CEP70: variants seen among roughly 807,000 people sequenced by gnomAD.
The protein encoded by CEP70 is centrosomal protein of 70 kDa.
CEP70 carries 70 observed loss-of-function variants against 90.9 expected under a neutral mutation model. The observed-to-expected ratio is 0.77, with a 90% CI of 0.64 to 0.94. The LOEUF is 0.94. Ranked by LOEUF, CEP70 falls within the 40% of genes least tolerant of loss-of-function variation. The pLI is 0.00. For missense variants in CEP70, 648 were observed against 669.0 expected (o/e 0.97, Z 0.35); for synonymous variants, 220 against 228.3 (o/e 0.96, Z 0.33).
intron 11 of CEP70, among the ~76,000 whole-genome samples, chr3:138,521,695 G>A (rs970462960): frequency 5.5e-5 from 8 of 145,216 alleles, no homozygotes; most frequent in South Asian, 2.3e-4. Flanking sequence ...CGGCCGCCCC[G>A]TCTCGGGGGG....
At chr3:138,526,452 C>T (rs75114793) in intron 10 of CEP70, among the ~76,000 whole-genome samples, 1,571 of 152,244 alleles carry the variant, frequency 0.01, 27 homozygotes, top group African/African-American at 0.037. Context: ...TGAGCCACCA[C>T]GCCCAGCCAT....
chr3:138,511,286 C>G lies in CEP70; in HGVS notation c.945-2742G>C, dbSNP rs140420291. Among the ~76,000 whole-genome samples, 855 of 152,358 alleles carry G rather than the reference C, an allele frequency of 5.6e-3. 3 individuals are homozygous for G. Among genetic ancestry groups the G allele is most frequent in the South Asian group, 9.7e-3 (47 of 4,826 alleles). On this transcript the variant is annotated intron_variant, in intron 11 of 17. Coordinates refer to ENST00000264982, the MANE Select transcript of CEP70 (RefSeq NM_024491.4). ...ATATTCACTCAGTTGCTATTCTCTG[C>G]TTTCTAGTGAGTATATGCCCAAGCC...
chr3:138,553,416 C>T (rs897462548), intron 6 of CEP70, among the ~76,000 whole-genome samples: 2 of 151,564 alleles, frequency 1.3e-5, no homozygotes, highest in Admixed American at 6.6e-5. Flanking sequence ...GAAGGTGGAG[C>T]TTGCAGTGAG....
chr3:138,575,035 G>A (rs563979691), intron 2 of CEP70, among the ~76,000 whole-genome samples: 7 of 152,242 alleles, frequency 4.6e-5, no homozygotes, highest in South Asian at 4.1e-4. Flanking sequence ...AAATCAAAGC[G>A]CCTCTTCTCC....
chr3:138,588,016 A>C (rs112286279), intron 2 of CEP70, among the ~76,000 whole-genome samples: 50 of 152,242 alleles, frequency 3.3e-4, no homozygotes, highest in African/African-American at 1.2e-3. Flanking sequence ...TTTTTCAATA[A>C]ATGATGCTAG....
intron 10 of CEP70, among the ~76,000 whole-genome samples, chr3:138,527,349 T>C (rs1031246329): frequency 1.3e-5 from 2 of 150,874 alleles, no homozygotes; most frequent in African/African-American, 4.9e-5. Flanking sequence ...TTTTTTAATA[T>C]GGAACGCTTC....
At chr3:138,560,113 G>A (rs1040282102) in intron 6 of CEP70, among the ~76,000 whole-genome samples, 13 of 152,200 alleles carry the variant, frequency 8.5e-5, no homozygotes, top group Admixed American at 3.3e-4. Flanking sequence ...GCTCCCCAGC[G>A]AGATCGATGC....
chr3:138,500,486 C>T lies in CEP70; in HGVS notation c.1450G>A (p.Gly484Arg), dbSNP rs2108664605. The T allele has an allele frequency of 6.2e-7, 1 of 1,611,788 alleles. No homozygotes were observed. Residue 484 changes from glycine to arginine, a missense_variant, in exon 15 of 18, where the codon GGA (glycine) becomes AGA (arginine). Gly to Arg is a moderately radical substitution (Grantham distance 125, BLOSUM62 -2). Coordinates refer to ENST00000264982, the MANE Select transcript of CEP70 (RefSeq NM_024491.4). ...ACTTCATTCATTCGGGGATAGACTC[C>T]ATTTAAAGAAGGCACATCAAATAAC... The part of the protein sequence containing the change: ...QKLFDVPSLN[G>R]VYPRMNEVYT...
chr3:138,576,863 A>T (rs1343633101), intron 2 of CEP70, among the ~76,000 whole-genome samples: 2 of 152,250 alleles, frequency 1.3e-5, no homozygotes, highest in Non-Finnish European at 2.9e-5. Flanking sequence ...CTGTGTAAAT[A>T]ACAAAATGAA....
At chr3:138,527,658 G>A (rs574988429) in intron 10 of CEP70, among the ~76,000 whole-genome samples, 4 of 145,818 alleles carry the variant, frequency 2.7e-5, no homozygotes, top group Admixed American at 1.4e-4. Flanking sequence ...TCGTGCCACA[G>A]CACTCCAGCC....
At chr3:138,571,390 TTAGATA>T (rs1412534119) in intron 3 of CEP70, 34 bp from the exon 4 acceptor site, 2 of 1,390,698 alleles carry the variant, frequency 1.4e-6, no homozygotes, top group East Asian at 4.6e-5. Flanking sequence ...AGGGTTAACT[TTAGATA>T]TAAAGTGAAG....
At chr3:138,524,068 C>T (rs1382031004) in intron 11 of CEP70, among the ~76,000 whole-genome samples, 11 of 109,890 alleles carry the variant, frequency 1.0e-4, no homozygotes, top group African/African-American at 5.0e-4. Flanking sequence ...AGAAATAATG[C>T]CACATATCAA....
At position 138,495,077 on chromosome 3, in the gene CEP70, C is replaced by A. The variant is rs766811923; in HGVS notation, c.1733-1G>T. On this transcript the variant is annotated splice_acceptor_variant, in intron 17 of 17. Coordinates refer to ENST00000264982, the MANE Select transcript of CEP70 (RefSeq NM_024491.4). LOFTEE classifies it high-confidence loss of function. ...ACAATGGCATCCAAGTCATCAATTTCTGTAATACAAAAACAGTAATAATAA... is the reference window on the plus strand; with the variant it reads ...ACAATGGCATCCAAGTCATCAATTTATGTAATACAAAAACAGTAATAATAA... 4.6e-6 allele frequency: 7 copies of A among 1,535,790 alleles called. No individual in the cohort carries two copies. The Admixed American group carries it at 1.0e-4, about 22-fold the overall frequency.
chr3:138,514,227 C>T (rs759944924), intron 11 of CEP70, among the ~76,000 whole-genome samples: 2 of 152,210 alleles, frequency 1.3e-5, no homozygotes, highest in East Asian at 1.9e-4. Flanking sequence ...GTTGGAATTT[C>T]GTCAAGGCTC....
At chr3:138,544,606 CTCT>C (rs1488188099) in intron 6 of CEP70, among the ~76,000 whole-genome samples, 1 of 152,136 alleles carries the variant, frequency 6.6e-6, no homozygotes, top group East Asian at 1.9e-4. Flanking sequence ...TATCTGTACT[CTCT>C]TGTTTATTGC....
intron 8 of CEP70, chr3:138,531,429 C>T (rs2037803207): frequency 6.6e-6 from 1 of 152,148 alleles, no homozygotes; most frequent in South Asian, 2.1e-4. Context: ...CTATATTCAG[C>T]AGGCTGTTGG....
chr3:138,495,961 A>T, intron 17 of CEP70: 2 of 985,330 alleles, frequency 2.0e-6, no homozygotes, highest in Non-Finnish European at 2.4e-6. Context: ...CAGATAAACC[A>T]ATCCAGGCTC....
chr3:138,569,836 C>G (rs558159384), intron 6 of CEP70, among the ~76,000 whole-genome samples: 1 of 152,292 alleles, frequency 6.6e-6, no homozygotes, highest in South Asian at 2.1e-4. Context: ...CCACTGCACT[C>G]CAACCTGGGT....
intron 5 of CEP70, 43 bp from the exon 6 acceptor site, chr3:138,570,541 T>C: frequency 1.4e-6 from 2 of 1,450,300 alleles, no homozygotes; most frequent in Non-Finnish European, 1.9e-6. Flanking sequence ...GTATTAAAAA[T>C]AAATCGAATT....
Sources: allele counts gnomAD v4.1 joint callset (sites outside exome capture counted in the v4.1 genomes callset), GRCh38; gene constraint gnomAD v4.1.1; transcripts MANE v1.5; gene names NCBI Gene and HGNC (gene_info 2026-07-23, HGNC 2026-07-21).